The following WWTR1 variants were observed in gnomAD, a reference collection of about 807,000 sequenced individuals.
WWTR1 encodes the protein WW domain-containing transcription regulator protein 1.
Under a neutral mutation model 40.1 loss-of-function variants are expected in WWTR1, and 13 were observed. That is an observed-to-expected ratio of 0.32 (90% CI 0.21 to 0.52). The LOEUF (loss-of-function observed/expected upper bound fraction) is 0.52, where lower values mean the gene tolerates loss of function less well. Ranked by LOEUF, WWTR1 falls within the 20% of genes least tolerant of loss-of-function variation. WWTR1 has a pLI of 0.97. For synonymous variants in WWTR1, 230 were observed against 210.1 expected (o/e 1.09, Z -0.82); for missense variants, 436 against 523.1 (o/e 0.83, Z 1.63).
At chr3:149,697,183 C>T (rs1715021896) in intron 1 of WWTR1, among the ~76,000 whole-genome samples, 1 of 151,650 alleles carries the variant, frequency 6.6e-6, no homozygotes, top group Non-Finnish European at 1.5e-5. Context: ...ACAGGCTGTA[C>T]AAGCATGGCA....
chr3:149,558,746 T>G (rs1736956654), intron 3 of WWTR1, among the ~76,000 whole-genome samples: 1 of 152,120 alleles, frequency 6.6e-6, no homozygotes, highest in South Asian at 2.1e-4. Flanking sequence ...ACAAAATAAC[T>G]GGCCTATATA....
At chr3:149,589,723 G>A (rs2108027410) in intron 2 of WWTR1, among the ~76,000 whole-genome samples, 1 of 151,168 alleles carries the variant, frequency 6.6e-6, no homozygotes, top group African/African-American at 2.4e-5. Flanking sequence ...CCCCAACTAT[G>A]GACTAAATGC....
intron 2 of WWTR1, among the ~76,000 whole-genome samples, chr3:149,595,994 T>C (rs1560077169): frequency 1.3e-5 from 2 of 151,812 alleles, no homozygotes; most frequent in Non-Finnish European, 2.9e-5. Context: ...GATCACCACA[T>C]CACTGCACTC....
intron 6 of WWTR1, among the ~76,000 whole-genome samples, chr3:149,524,582 A>C (rs551469619): frequency 3.9e-5 from 6 of 152,336 alleles, no homozygotes; most frequent in Admixed American, 3.9e-4. Context: ...AAACTGAAGA[A>C]CAGTAAAACA....
At chr3:149,710,698 G>A (rs1383111608) in intron 5 of WWTR1, among the ~76,000 whole-genome samples, 1 of 149,070 alleles carries the variant, frequency 6.7e-6, no homozygotes, top group East Asian at 2.0e-4. Flanking sequence ...TCCTGCCTCA[G>A]CCTCCTGAGT....
At chr3:149,704,322 C>A (rs1715276752), upstream of WWTR1, among the ~76,000 whole-genome samples, 1 of 152,098 alleles carries the variant, frequency 6.6e-6, no homozygotes, top group Non-Finnish European at 1.5e-5. Context: ...ACGTAACAAA[C>A]TAAGAAGGCT....
At chr3:149,622,491 AAGGAAGG>A (rs1560089677) in intron 2 of WWTR1, among the ~76,000 whole-genome samples, 143 of 135,024 alleles carry the variant, frequency 1.1e-3, no homozygotes, top group African/African-American at 3.5e-3. Context: ...GGAAGGAAGG[AAGGAAGG>A]AAGGAAGAAA....
chr3:149,699,200 A>T (rs1178534245), intron 1 of WWTR1, among the ~76,000 whole-genome samples: 1 of 152,028 alleles, frequency 6.6e-6, no homozygotes, highest in East Asian at 1.9e-4. Context: ...TTGCTCCTGC[A>T]TCTGATTGTG....
At chr3:149,665,700 G>A (rs1713787889) in intron 2 of WWTR1, among the ~76,000 whole-genome samples, 1 of 152,084 alleles carries the variant, frequency 6.6e-6, no homozygotes, top group African/African-American at 2.4e-5. Context: ...ACAAAGATCT[G>A]TGAATACTAT....
At chr3:149,633,672 C>A (rs898586501) in intron 2 of WWTR1, among the ~76,000 whole-genome samples, 1 of 152,030 alleles carries the variant, frequency 6.6e-6, no homozygotes, top group Non-Finnish European at 1.5e-5. Flanking sequence ...AGGGGTGGAG[C>A]GGACACTAAG....
chr3:149,553,527 C>G (rs911098166), intron 3 of WWTR1, among the ~76,000 whole-genome samples: 4 of 151,264 alleles, frequency 2.6e-5, no homozygotes, highest in African/African-American at 7.3e-5. Context: ...AAAAAAAAGA[C>G]AAAAATCAAA....
At chr3:149,717,961 G>GA (rs1305203248) in intron 4 of WWTR1, among the ~76,000 whole-genome samples, 2 of 151,318 alleles carry the variant, frequency 1.3e-5, no homozygotes, top group African/African-American at 2.4e-5. Context: ...TCTAATTTTA[G>GA]AAAAAAATAG....
Position 149,645,142 on chromosome 3 carries a change from CG to C in WWTR1, c.431+11733del, listed in dbSNP as rs569689644. On this transcript the variant is annotated intron_variant, in intron 2 of 6. Coordinates refer to ENST00000360632, the MANE Select transcript of WWTR1 (RefSeq NM_015472.6). The stretch of plus-strand genomic sequence containing the variant: ...TCGCCCAGGCTGGAGTGCAGTGGCG[CG>C]ATCTCAGCTCACTACAAGCTCTGCC... 1.3e-3 allele frequency among the ~76,000 whole-genome samples: 137 copies of C among 104,292 alleles called. 1 individual carries two copies. In the South Asian group the frequency reaches 0.014, roughly 10 times the overall value. The allele number at this position is 104,292 out of a possible 152,430, so 68.4% of individuals were successfully genotyped here. A position where few individuals can be genotyped will look rare whatever the true frequency, so the allele number is the denominator to read the frequency against.
At chr3:149,525,338 T>C (rs1308954107) in intron 6 of WWTR1, among the ~76,000 whole-genome samples, 2 of 152,048 alleles carry the variant, frequency 1.3e-5, no homozygotes, top group Non-Finnish European at 2.9e-5. Context: ...GCCCATATAT[T>C]ACAACTAAAA....
intron 2 of WWTR1, among the ~76,000 whole-genome samples, chr3:149,665,865 A>G (rs1389526343): frequency 6.6e-6 from 1 of 152,238 alleles, no homozygotes; most frequent in African/African-American, 2.4e-5. Flanking sequence ...CACTCTCAGA[A>G]GTACAAACCA....
chr3:149,623,698 G>GT (rs769732692), intron 2 of WWTR1, among the ~76,000 whole-genome samples: 26 of 152,344 alleles, frequency 1.7e-4, no homozygotes, highest in East Asian at 1.5e-3. Context: ...TGGAAATTAT[G>GT]TAATTGCTTT....
intron 4 of WWTR1, among the ~76,000 whole-genome samples, chr3:149,532,293 C>A (rs1353462326): frequency 6.6e-6 from 1 of 152,016 alleles, no homozygotes; most frequent in Admixed American, 6.5e-5. Context: ...ACAAAATAAA[C>A]AATTTTAAAA....
intron 1 of WWTR1, among the ~76,000 whole-genome samples, chr3:149,681,792 C>T (rs533754003): frequency 1.3e-5 from 2 of 152,212 alleles, no homozygotes; most frequent in East Asian, 3.9e-4. Flanking sequence ...AACTTAAGGA[C>T]ATTATGCTAA....
chr3:149,568,633 A>G (rs1032706324), intron 3 of WWTR1, among the ~76,000 whole-genome samples: 1 of 151,014 alleles, frequency 6.6e-6, no homozygotes, highest in African/African-American at 2.4e-5. Flanking sequence ...AAATCTGCCA[A>G]CCTGCAGAAA....
Sources: gnomAD v4.1 joint callset for allele counts (sites outside exome capture counted in the v4.1 genomes callset) on GRCh38, gnomAD v4.1.1 for gene constraint, MANE v1.5 for transcripts, NCBI Gene and HGNC (gene_info 2026-07-23, HGNC 2026-07-21) for gene names.